PLXDC2: variants seen among roughly 807,000 people sequenced by gnomAD.
PLXDC2 encodes the protein plexin domain-containing protein 2.
A neutral mutation model predicts 68.9 loss-of-function variants in PLXDC2; 40 were observed. The ratio of observed to expected loss-of-function variants is 0.58; its 90% CI spans 0.45 to 0.76. PLXDC2 has a LOEUF of 0.76. PLXDC2 is among the 30% of genes least tolerant of loss of function. The probability of loss-of-function intolerance (pLI) is 0.00; values close to 1 mark genes in which losing one functional copy is unlikely to be tolerated. For missense variants in PLXDC2, 644 were observed against 661.9 expected (o/e 0.97, Z 0.30); for synonymous variants, 243 against 234.2 (o/e 1.04, Z -0.34).
At chr10:20,180,239 C>T (rs1192286647) in intron 9 of PLXDC2, among the ~76,000 whole-genome samples, 4 of 151,972 alleles carry the variant, frequency 2.6e-5, no homozygotes, top group Non-Finnish European at 4.4e-5. Flanking sequence ...AAAAAAACTA[C>T]AAGTTTTCTG....
chr10:19,939,703 A>G (rs1833785308), intron 1 of PLXDC2, among the ~76,000 whole-genome samples: 1 of 152,202 alleles, frequency 6.6e-6, no homozygotes, highest in Non-Finnish European at 1.5e-5. Flanking sequence ...CAAAGAAAGC[A>G]TACATTAAAG....
chr10:20,170,370 A>G (rs1309588670), intron 7 of PLXDC2, among the ~76,000 whole-genome samples: 1 of 152,062 alleles, frequency 6.6e-6, no homozygotes, highest in Non-Finnish European at 1.5e-5. Context: ...TTGTATTTTT[A>G]GTAGAGACGG....
chr10:20,217,428 A>G lies in PLXDC2; in HGVS notation c.1125A>G (p.Ser375=). 5 of 1,607,662 alleles carry G rather than the reference A, an allele frequency of 3.1e-6. No homozygotes were observed. The highest frequency in any genetic ancestry group is 4.2e-6 in the Non-Finnish European group (5 of 1,177,154). Residue 375 remains serine, a splice_region_variant and synonymous_variant, in exon 11 of 14, where the codon TCA becomes TCG. Transcript: ENST00000377252. ...DWVDSGCPEE[S]KEKMCENTEP... is the part of the protein sequence containing the mutation. ...TTCCTTTTCTTTTCTCTTACTAGTCAAAAGAGAAGATGTGTGAGAATACAG... is the reference window on the plus strand; with the variant it reads ...TTCCTTTTCTTTTCTCTTACTAGTCGAAAGAGAAGATGTGTGAGAATACAG...
chr10:20,087,741 C>T (rs1564310854), intron 4 of PLXDC2, among the ~76,000 whole-genome samples: 1 of 152,174 alleles, frequency 6.6e-6, no homozygotes, highest in South Asian at 2.1e-4. Flanking sequence ...GATATATTTG[C>T]AGTTTGTTTT....
intron 2 of PLXDC2, among the ~76,000 whole-genome samples, chr10:20,028,813 A>G (rs1413561869): frequency 6.6e-6 from 1 of 152,126 alleles, no homozygotes; most frequent in Non-Finnish European, 1.5e-5. Context: ...TATAATTTGT[A>G]CCTTCTCTGT....
intron 7 of PLXDC2, among the ~76,000 whole-genome samples, chr10:20,170,946 A>C (rs1298267903): frequency 6.6e-6 from 1 of 151,988 alleles, no homozygotes; most frequent in African/African-American, 2.4e-5. Context: ...TTTAAAAGGC[A>C]CCAGAATATT....
At chr10:19,943,970 T>C (rs1589549076) in intron 1 of PLXDC2, among the ~76,000 whole-genome samples, 1 of 152,236 alleles carries the variant, frequency 6.6e-6, no homozygotes, top group Non-Finnish European at 1.5e-5. Context: ...AATGGCTTGG[T>C]ATTAATTCTT....
chr10:20,234,438 C>A (rs534416503), intron 12 of PLXDC2, among the ~76,000 whole-genome samples: 1 of 152,274 alleles, frequency 6.6e-6, no homozygotes, highest in South Asian at 2.1e-4. Flanking sequence ...TTTTCCTAAG[C>A]AGCGTGATTC....
intron 4 of PLXDC2, among the ~76,000 whole-genome samples, chr10:20,119,872 T>A (rs962417460): frequency 7.0e-6 from 1 of 141,948 alleles, no homozygotes; most frequent in Non-Finnish European, 1.5e-5. Flanking sequence ...TTTGTATGAA[T>A]TGAAAAACTA....
At chr10:19,846,860 G>A (rs1043822063) in intron 1 of PLXDC2, among the ~76,000 whole-genome samples, 1 of 152,118 alleles carries the variant, frequency 6.6e-6, no homozygotes, top group Non-Finnish European at 1.5e-5. Flanking sequence ...AAGAAACAGA[G>A]GTTTAATGGA....
intron 2 of PLXDC2, among the ~76,000 whole-genome samples, chr10:20,014,362 CCTTCCTTCCTTCCTTCCTTG>C (rs1391436020): frequency 1.1e-4 from 8 of 70,938 alleles, no homozygotes; most frequent in African/African-American, 2.3e-4. Flanking sequence ...CCCTTTCCTT[CCTTCCTTCCTTCCTTCCTTG>C]CTTCCTTCCT....
chr10:19,886,363 GC>G (rs2131355663), intron 1 of PLXDC2, among the ~76,000 whole-genome samples: 1 of 152,176 alleles, frequency 6.6e-6, no homozygotes, highest in Non-Finnish European at 1.5e-5. Context: ...GAACATTGAT[GC>G]AAAAATCCTC....
At chr10:20,054,893 A>C (rs574175529) in intron 3 of PLXDC2, among the ~76,000 whole-genome samples, 2 of 152,284 alleles carry the variant, frequency 1.3e-5, no homozygotes, top group Admixed American at 1.3e-4. Context: ...AGATAGGTAA[A>C]GATGCCTGAT....
At chr10:19,823,810 A>G (rs1042198818) in intron 1 of PLXDC2, among the ~76,000 whole-genome samples, 4 of 152,086 alleles carry the variant, frequency 2.6e-5, no homozygotes, top group Non-Finnish European at 5.9e-5. Context: ...AACATAGGGA[A>G]GAGACCTCAT....
intron 6 of PLXDC2, among the ~76,000 whole-genome samples, chr10:20,163,019 TGC>T (rs1443938452): frequency 2.0e-5 from 3 of 151,762 alleles, no homozygotes; most frequent in African/African-American, 7.3e-5. Context: ...AGGCGGAGGT[TGC>T]ACTCCAGCCT....
intron 6 of PLXDC2, among the ~76,000 whole-genome samples, chr10:20,163,013 G>A (rs113164276): frequency 0.026 from 3,955 of 151,864 alleles, 67 homozygotes; most frequent in South Asian, 0.074. Context: ...CCCGGGAGGC[G>A]GAGGTTGCAC....
chr10:19,887,944 CT>C (rs1205845993), intron 1 of PLXDC2, among the ~76,000 whole-genome samples: 2 of 152,178 alleles, frequency 1.3e-5, no homozygotes, highest in Non-Finnish European at 2.9e-5. Flanking sequence ...GAAAACACAA[CT>C]TTGAATTACT....
At chr10:19,969,972 G>A (rs1004165024) in intron 1 of PLXDC2, among the ~76,000 whole-genome samples, 11 of 152,154 alleles carry the variant, frequency 7.2e-5, no homozygotes, top group East Asian at 1.9e-4. Context: ...ACTCTAAGGC[G>A]GAAGTCAGCC....
chr10:20,198,849 A>C (rs879506577), intron 9 of PLXDC2, among the ~76,000 whole-genome samples: 4 of 152,060 alleles, frequency 2.6e-5, no homozygotes, highest in Non-Finnish European at 4.4e-5. Flanking sequence ...TATTCTCCCA[A>C]AGCTTCACTT....
Sources: gnomAD v4.1 joint callset for allele counts (sites outside exome capture counted in the v4.1 genomes callset) on GRCh38, gnomAD v4.1.1 for gene constraint, MANE v1.5 for transcripts, NCBI Gene and HGNC (gene_info 2026-07-23, HGNC 2026-07-21) for gene names.